Variants in KIAA0586 observed in about 807,000 individuals in gnomAD.
KIAA0586 encodes protein TALPID3.
In KIAA0586, 144 loss-of-function variants were observed where a neutral mutation model predicts 169.8. That is an observed-to-expected ratio of 0.85 (90% CI 0.74 to 0.97). The LOEUF (loss-of-function observed/expected upper bound fraction) is 0.97, where lower values mean the gene tolerates loss of function less well. KIAA0586 is among the 50% of genes least tolerant of loss of function. The probability of loss-of-function intolerance (pLI) is 0.00; values close to 1 mark genes in which losing one functional copy is unlikely to be tolerated. For synonymous variants in KIAA0586, 625 were observed against 612.4 expected (o/e 1.02, Z -0.30); for missense variants, 1,854 against 1,823.0 (o/e 1.02, Z -0.31).
intron 30 of KIAA0586, among the ~76,000 whole-genome samples, chr14:58,545,529 A>G (rs2046926484): frequency 6.6e-6 from 1 of 152,220 alleles, no homozygotes; most frequent in Admixed American, 6.5e-5. Context: ...AGAAGGTAAC[A>G]TTAAGTTGTT....
intron 4 of KIAA0586, among the ~76,000 whole-genome samples, chr14:58,433,935 G>A (rs2037591548): frequency 6.6e-6 from 1 of 151,880 alleles, no homozygotes; most frequent in African/African-American, 2.4e-5. Flanking sequence ...GGAGTTTGAG[G>A]ATGCCATGAG....
chr14:58,505,495 C>T (rs1289194983), intron 27 of KIAA0586, among the ~76,000 whole-genome samples: 1 of 152,146 alleles, frequency 6.6e-6, no homozygotes, highest in Admixed American at 6.5e-5. Context: ...GGAAGCTCTT[C>T]TATACACGAG....
intron 6 of KIAA0586, among the ~76,000 whole-genome samples, chr14:58,445,738 T>G (rs1029846339): frequency 6.0e-5 from 9 of 149,528 alleles, no homozygotes; most frequent in African/African-American, 2.2e-4. Flanking sequence ...TCGGCCTATT[T>G]TGGAATTTCT....
chr14:58,512,660 T>G, intron 29 of KIAA0586, 33 bp downstream of exon 29: 1 of 1,082,932 alleles, frequency 9.2e-7, no homozygotes, highest in Non-Finnish European at 1.3e-6. Context: ...AATACAATAG[T>G]TTGATACTTG....
intron 20 of KIAA0586, among the ~76,000 whole-genome samples, chr14:58,478,817 C>T (rs2041838177): frequency 6.6e-6 from 1 of 152,224 alleles, no homozygotes; most frequent in Non-Finnish European, 1.5e-5. Flanking sequence ...TCTAGAATTT[C>T]ATACATATGT....
rs2040054833 is a variant in KIAA0586, at chr14:58,458,493, G to A, written c.1604G>A (p.Arg535Lys). The change falls in exon 12 of 31, where the codon AGG (arginine) becomes AAG (lysine). Residue 535 changes from arginine to lysine, a missense_variant. Physicochemically the swap from Arg to Lys is conservative, Grantham distance 26. Coordinates refer to ENST00000652326, the MANE Select transcript of KIAA0586 (RefSeq NM_001329943.3). ...STNREMSEKIRIRKTVDEWIK... is the reference protein window; with the variant it reads ...STNREMSEKIKIRKTVDEWIK... ...TATAGAGAGATGTCAGAGAAAATTA[G>A]GATCAGAAAGACAGTGGATGAATGG... The A allele has an allele frequency of 1.3e-6, 2 of 1,542,340 alleles. No individual in the cohort carries two copies. Among genetic ancestry groups the A allele is most frequent in the South Asian group, 1.2e-5 (1 of 82,194 alleles).
At chr14:58,477,273 T>A in intron 20 of KIAA0586, 32 bp downstream of exon 20, 1 of 1,161,494 alleles carries the variant, frequency 8.6e-7, no homozygotes, top group Non-Finnish European at 1.3e-6. Context: ...TTTGTTTTTA[T>A]TAAAAGACAA....
intron 10 of KIAA0586, 96 bp from the exon 11 acceptor site, chr14:58,457,663 G>C: frequency 1.4e-6 from 1 of 712,702 alleles, no homozygotes; most frequent in Non-Finnish European, 2.3e-6. Flanking sequence ...AGAATATATT[G>C]GTATAATGTA....
intron 13 of KIAA0586, 112 bp downstream of exon 13, chr14:58,460,182 A>G (rs1279623335): frequency 1.5e-6 from 1 of 653,340 alleles, no homozygotes; most frequent in Non-Finnish European, 2.5e-6. Flanking sequence ...ATGAAGGACT[A>G]TACAAATGTA....
chr14:58,473,644 G>C (rs1040090192), intron 18 of KIAA0586, among the ~76,000 whole-genome samples: 3 of 152,216 alleles, frequency 2.0e-5, no homozygotes, highest in African/African-American at 7.2e-5. Context: ...AGTGGCTCAT[G>C]CCTGTAATCC....
intron 27 of KIAA0586, among the ~76,000 whole-genome samples, chr14:58,500,894 T>C (rs986632797): frequency 6.6e-6 from 1 of 152,204 alleles, no homozygotes; most frequent in Non-Finnish European, 1.5e-5. Context: ...AATGTATCGT[T>C]GTTCAGCATC....
intron 29 of KIAA0586, among the ~76,000 whole-genome samples, chr14:58,528,217 A>G (rs1293448876): frequency 6.6e-6 from 1 of 152,196 alleles, no homozygotes; most frequent in Non-Finnish European, 1.5e-5. Context: ...GTTCTTAGAG[A>G]CCTACAAAGA....
chr14:58,521,628 C>A (rs1001611583), intron 29 of KIAA0586: 6 of 1,054,908 alleles, frequency 5.7e-6, no homozygotes, highest in African/African-American at 4.7e-5. Flanking sequence ...TCTTCCAAGT[C>A]TGGAAAGTTG....
chr14:58,477,808 C>A (rs2041760382), intron 20 of KIAA0586, among the ~76,000 whole-genome samples: 1 of 150,804 alleles, frequency 6.6e-6, no homozygotes, highest in African/African-American at 2.4e-5. Context: ...TTTTCTTCTC[C>A]TGCTTCTCTT....
chr14:58,445,930 G>A (rs1023739891), intron 6 of KIAA0586, among the ~76,000 whole-genome samples: 5 of 151,222 alleles, frequency 3.3e-5, no homozygotes, highest in Admixed American at 1.3e-4. Flanking sequence ...GTGCAGTGGC[G>A]CAATCTCAGT....
downstream of KIAA0586, among the ~76,000 whole-genome samples, chr14:58,552,412 G>A (rs919643108): frequency 2.6e-5 from 4 of 152,122 alleles, no homozygotes; most frequent in African/African-American, 2.4e-5. Flanking sequence ...ATTAGCCAGA[G>A]TACAGATGCC....
chr14:58,474,600 C>G lies in KIAA0586; in HGVS notation c.2635-7C>G. ...GAATATAATAGTTTTGTTTTTGTTA[C>G]TACCAGGAAGAAGAAAAATGTGATG... On this transcript the variant is annotated splice_polypyrimidine_tract_variant and splice_region_variant and intron_variant, in intron 18 of 30. Transcript: ENST00000652326. The G allele has an allele frequency of 6.4e-7, 1 of 1,564,868 alleles. No individual in the cohort carries two copies. The highest frequency in any genetic ancestry group is 8.6e-7 in the Non-Finnish European group (1 of 1,158,944).
rs1161690227 is a variant in KIAA0586 at position 58,477,191 on chromosome 14, G to A, written c.2894G>A (p.Ser965Asn). 2.5e-6 allele frequency: 4 copies of A among 1,583,904 alleles called. No homozygotes were observed. The highest frequency in any genetic ancestry group is 1.2e-5 in the South Asian group (1 of 86,580). The change falls in exon 20 of 31, where the codon AGT (serine) becomes AAT (asparagine). Residue 965 changes from serine (S) to asparagine (N), a missense_variant. Coordinates refer to ENST00000652326, the MANE Select transcript of KIAA0586 (RefSeq NM_001329943.3). ...CCAGTCCAGCAACAGATTGCACCTA[G>A]TATCAGTGTTTCAGTCAGTGAGACA... ...LFPVQQQIAP[S>N]ISVSVSETSE...
Position 58,467,737 on chromosome 14 carries a change from C to T in KIAA0586, c.2257C>T (p.Gln753Ter). The T allele has an allele frequency of 6.2e-7, 1 of 1,600,424 alleles. No individual in the cohort carries two copies. The change falls in exon 16 of 31, where the codon CAA becomes TAA. Residue 753 changes from glutamine (Q) to a stop codon, truncating the protein, a stop_gained and splice_region_variant. Coordinates refer to ENST00000652326, the MANE Select transcript of KIAA0586 (RefSeq NM_001329943.3). LOFTEE classifies it high-confidence loss of function. ...ATTTTTTCTCCTAAACTTCTTAGGA[C>T]AAACCCAAAGTAATAGTGATACCAT... ...HLIPMAILLG[Q>*]TQSNSDTMPP...
Sources: gnomAD v4.1 joint callset for allele counts (sites outside exome capture counted in the v4.1 genomes callset) on GRCh38, gnomAD v4.1.1 for gene constraint, MANE v1.5 for transcripts, NCBI Gene and HGNC (gene_info 2026-07-23, HGNC 2026-07-21) for gene names.